Variants in C1GALT1 observed in about 807,000 individuals in gnomAD.
C1GALT1 encodes glycoprotein-N-acetylgalactosamine 3-beta-galactosyltransferase 1.
In C1GALT1, 11 loss-of-function variants were observed where a neutral mutation model predicts 31.0. The observed-to-expected ratio is 0.36, with a 90% confidence interval of 0.22 to 0.59. The LOEUF is 0.59. C1GALT1 is among the 20% of genes least tolerant of loss of function. The pLI is 0.79. For synonymous variants in C1GALT1, 175 were observed against 143.6 expected, an observed-to-expected ratio of 1.22 and a Z score of -1.56; for missense variants, 424 against 425.2, an observed-to-expected ratio of 1.00 and a Z score of 0.03.
chr7:7,235,870 C>T (rs377472364), intron 2 of C1GALT1, among the ~76,000 whole-genome samples: 21 of 152,294 alleles, frequency 1.4e-4, no homozygotes, highest in East Asian at 5.8e-4. Context: ...TACATTCTAA[C>T]AGTGCTGCTA....
intron 2 of C1GALT1, among the ~76,000 whole-genome samples, chr7:7,163,220 C>G (rs191513197): frequency 2.4e-3 from 364 of 152,186 alleles, no homozygotes; most frequent in Middle Eastern, 3.4e-3. Flanking sequence ...TAATGCCTAG[C>G]TTTTCTTCTA....
intron 1 of C1GALT1, among the ~76,000 whole-genome samples, chr7:7,200,816 G>A (rs1035463032): frequency 6.6e-6 from 1 of 152,132 alleles, no homozygotes; most frequent in Non-Finnish European, 1.5e-5. Context: ...CATGCATCAC[G>A]TAGTTCTTGT....
chr7:7,202,554 C>T (rs1781568009), intron 1 of C1GALT1, among the ~76,000 whole-genome samples: 1 of 151,984 alleles, frequency 6.6e-6, no homozygotes, highest in South Asian at 2.1e-4. Context: ...GCTTTTTTTC[C>T]TCTGAATTCT....
At chr7:7,230,621 C>CT (rs1783026239) in intron 1 of C1GALT1, among the ~76,000 whole-genome samples, 1 of 110,802 alleles carries the variant, frequency 9.0e-6, no homozygotes, top group South Asian at 2.5e-4. Context: ...TTCTATATTC[C>CT]CTTTTTTTTT....
chr7:7,161,557 CAT>C (rs989020919), intron 2 of C1GALT1, among the ~76,000 whole-genome samples: 26 of 152,184 alleles, frequency 1.7e-4, no homozygotes, highest in African/African-American at 6.0e-4. Flanking sequence ...ATACTTACTA[CAT>C]GTTAGACCCT....
chr7:7,173,796 G>A (rs117040377), intron 2 of C1GALT1, among the ~76,000 whole-genome samples: 3,503 of 152,206 alleles, frequency 0.023, 131 homozygotes, highest in East Asian at 0.16. Flanking sequence ...CCTGTTACTC[G>A]GGAGGCTGAG....
At chr7:7,237,466 A>G (rs528390653) in intron 2 of C1GALT1, among the ~76,000 whole-genome samples, 3 of 152,334 alleles carry the variant, frequency 2.0e-5, no homozygotes, top group African/African-American at 7.2e-5. Context: ...TGGTTCTGAT[A>G]GTAGGCCTTT....
At chr7:7,183,578 A>G (rs1780686151) in intron 1 of C1GALT1, 10 of 984,778 alleles carry the variant, frequency 1.0e-5, no homozygotes, top group South Asian at 4.7e-5. Flanking sequence ...CAAGTTGTCC[A>G]TTTGCTTTGA....
intron 3 of C1GALT1, among the ~76,000 whole-genome samples, chr7:7,242,956 C>G (rs1232674945): frequency 6.6e-6 from 1 of 152,066 alleles, no homozygotes; most frequent in Non-Finnish European, 1.5e-5. Flanking sequence ...AAATAACTTA[C>G]TCAAGGTCGT....
Position 7,234,335 on chromosome 7 carries a change from T to C in C1GALT1, c.16T>C (p.Trp6Arg). ...CTTTCGGGAAATGGCCTCTAAATCC[T>C]GGCTGAATTTTTTAACCTTCCTCTG... MASKS[W>R]LNFLTFLCGS... The change falls in exon 2 of 4, where the codon TGG (tryptophan) becomes CGG (arginine). Residue 6 changes from tryptophan (W) to arginine (R), a missense_variant. Transcript: ENST00000436587. 1 of 1,613,782 alleles carries C rather than the reference T, an allele frequency of 6.2e-7. No individual in the cohort carries two copies. Among genetic ancestry groups the C allele is most frequent in the African/African-American group, 1.3e-5 (1 of 75,026 alleles).
At chr7:7,224,284 G>GTCTT (rs1282731851) in intron 1 of C1GALT1, among the ~76,000 whole-genome samples, 1 of 149,976 alleles carries the variant, frequency 6.7e-6, no homozygotes, top group Non-Finnish European at 1.5e-5. Flanking sequence ...TTTTTGTACT[G>GTCTT]TCTTTGTTGG....
intron 2 of C1GALT1, among the ~76,000 whole-genome samples, chr7:7,172,698 C>T (rs1446514303): frequency 1.3e-5 from 2 of 152,170 alleles, no homozygotes; most frequent in East Asian, 1.9e-4. Context: ...AGCAGAGTTA[C>T]AGAGAATTCC....
chr7:7,219,691 A>G (rs1421120303), intron 1 of C1GALT1, among the ~76,000 whole-genome samples: 3 of 152,198 alleles, frequency 2.0e-5, no homozygotes, highest in African/African-American at 7.2e-5. Flanking sequence ...ATTTAGAAAA[A>G]TAATGTTAGT....
At chr7:7,165,636 C>T (rs1780384693) in intron 2 of C1GALT1, among the ~76,000 whole-genome samples, 1 of 152,088 alleles carries the variant, frequency 6.6e-6, no homozygotes, top group Non-Finnish European at 1.5e-5. Context: ...TATATCTTTT[C>T]TCATTTCCTT....
At chr7:7,231,512 T>C (rs185057674) in intron 1 of C1GALT1, among the ~76,000 whole-genome samples, 35 of 152,318 alleles carry the variant, frequency 2.3e-4, no homozygotes, top group African/African-American at 7.9e-4. Context: ...CATTTGTTTT[T>C]CCATACTTCA....
rs1783884304 is a variant in C1GALT1 at position 7,247,240 on chromosome 7, CATG to C, written c.*3523_*3525del. The C allele has an allele frequency of 6.6e-6, 1 of 152,092 alleles. No homozygotes were observed. Among genetic ancestry groups the C allele is most frequent in the Non-Finnish European group, 1.5e-5 (1 of 67,984 alleles). 9.4% of individuals were successfully genotyped at this position (152,092 alleles called of 1,614,324 possible). A position where few individuals can be genotyped will look rare whatever the true frequency, so the allele number is the denominator to read the frequency against. On this transcript the variant is annotated 3_prime_UTR_variant, in exon 4 of 4. Coordinates refer to ENST00000436587, the MANE Select transcript of C1GALT1 (RefSeq NM_020156.5). Reference sequence around the variant, plus strand: ...TCATAGAGCACATAAAACCAGATTTCATGATGATGATGTATTCACTATCTTTTA... The same window carrying C: ...TCATAGAGCACATAAAACCAGATTTCATGATGATGTATTCACTATCTTTTA...
In C1GALT1 at chr7:7,238,352, C is replaced by T. The variant is rs375614206; in HGVS notation, c.318C>T (p.His106=). The stretch of plus-strand genomic sequence containing the variant: ...AAAACCTAGAGAAAAAGGCCAAACA[C>T]GTCAAAGCTACTTGGGCCCAGCGTT... ...GPQNLEKKAK[H]VKATWAQRCN... is the part of the protein sequence containing the mutation. Residue 106 remains histidine, a synonymous_variant, in exon 3 of 4, where the codon CAC becomes CAT. Coordinates refer to ENST00000436587, the MANE Select transcript of C1GALT1 (RefSeq NM_020156.5). This position sits in a 1 kb window ranked among gnomAD's most constrained non-coding sequence, Gnocchi z 5.2. 4.3e-5 allele frequency: 69 copies of T among 1,613,934 alleles called. No homozygotes were observed. The highest frequency in any genetic ancestry group is 1.3e-4 in the Admixed American group (8 of 59,994).
chr7:7,214,763 G>A (rs186483592), intron 1 of C1GALT1, among the ~76,000 whole-genome samples: 2 of 152,318 alleles, frequency 1.3e-5, no homozygotes, highest in Admixed American at 1.3e-4. Context: ...CAAACTTTCG[G>A]AGAAGCCGGG....
chr7:7,210,421 T>TTTTC (rs1283001162), intron 1 of C1GALT1: 1 of 145,756 alleles, frequency 6.9e-6, no homozygotes, highest in Non-Finnish European at 1.5e-5. Context: ...GATTCTTTTT[T>TTTTC]TTTTTTTTTT....
Sources: allele counts gnomAD v4.1 joint callset (sites outside exome capture counted in the v4.1 genomes callset), GRCh38; gene constraint gnomAD v4.1.1; non-coding constraint Gnocchi (gnomAD v3.1); transcripts MANE v1.5; gene names NCBI Gene and HGNC (gene_info 2026-07-23, HGNC 2026-07-21).